CCDC91: variants seen among roughly 807,000 people sequenced by gnomAD.
CCDC91 encodes coiled-coil domain-containing protein 91.
CCDC91 carries 48 observed loss-of-function variants against 63.2 expected under a neutral mutation model. The ratio of observed to expected loss-of-function variants is 0.76; its 90% CI spans 0.60 to 0.97. The LOEUF (loss-of-function observed/expected upper bound fraction) is 0.97. CCDC91 is among the 50% of genes least tolerant of loss of function. The pLI, the probability that CCDC91 is intolerant of heterozygous loss-of-function variation, is 0.00. For missense variants in CCDC91, 500 were observed against 494.6 expected (o/e 1.01, Z -0.10); for synonymous variants, 167 against 165.8 (o/e 1.01, Z -0.06).
chr12:28,466,067 A>AG (rs1950535046), intron 11 of CCDC91, among the ~76,000 whole-genome samples: 1 of 140,952 alleles, frequency 7.1e-6, no homozygotes, highest in Non-Finnish European at 1.7e-5. Flanking sequence ...CAGAACTGAC[A>AG]AAGAAAAAAA....
intron 8 of CCDC91, among the ~76,000 whole-genome samples, chr12:28,393,245 G>C (rs567623953): frequency 1.3e-5 from 2 of 151,964 alleles, no homozygotes; most frequent in Non-Finnish European, 2.9e-5. Flanking sequence ...CCCAGGGGTC[G>C]TTTTAAGTAG....
chr12:28,322,455 T>C (rs1389760169), intron 6 of CCDC91, among the ~76,000 whole-genome samples: 1 of 151,880 alleles, frequency 6.6e-6, no homozygotes, highest in Non-Finnish European at 1.5e-5. Context: ...AAACCTTTCT[T>C]CCCTATCATT....
chr12:28,378,966 G>A (rs1945113693), intron 7 of CCDC91, among the ~76,000 whole-genome samples: 1 of 152,032 alleles, frequency 6.6e-6, no homozygotes, highest in Non-Finnish European at 1.5e-5. Flanking sequence ...GGTTTTTCAA[G>A]CCAGGCCAAA....
At position 28,438,985 on chromosome 12, in the gene CCDC91, A is replaced by G. The variant is rs537897709; in HGVS notation, c.763-11176A>G. On this transcript the variant is annotated intron_variant, in intron 8 of 12. Transcript: ENST00000536442. Reference sequence around the variant, plus strand: ...TTTGGCATTTAATAAAACATACACTATCCAAATATAGAGACATCATATGAA... The same window carrying G: ...TTTGGCATTTAATAAAACATACACTGTCCAAATATAGAGACATCATATGAA... 4.6e-5 allele frequency among the ~76,000 whole-genome samples: 7 copies of G among 152,268 alleles called. No individual in the cohort carries two copies. The South Asian group carries it at 1.2e-3, about 27-fold the overall frequency.
intron 3 of CCDC91, among the ~76,000 whole-genome samples, chr12:28,287,543 C>T (rs193158878): frequency 1.3e-5 from 2 of 152,182 alleles, no homozygotes; most frequent in East Asian, 3.9e-4. Context: ...GTTCTCGGGT[C>T]TCTCTCCTGT....
chr12:28,417,449 T>G (rs187680609), intron 8 of CCDC91, among the ~76,000 whole-genome samples: 2 of 152,166 alleles, frequency 1.3e-5, no homozygotes, highest in South Asian at 2.1e-4. Context: ...CTGTTTTAGG[T>G]CTCAATAGTT....
intron 12 of CCDC91, among the ~76,000 whole-genome samples, chr12:28,515,463 T>A (rs1939842249): frequency 6.6e-6 from 1 of 151,916 alleles, no homozygotes; most frequent in Non-Finnish European, 1.5e-5. Flanking sequence ...CCCTAATTGA[T>A]CTTATGCCCT....
intron 3 of CCDC91, among the ~76,000 whole-genome samples, chr12:28,273,908 C>T (rs764846926): frequency 6.6e-6 from 1 of 152,166 alleles, no homozygotes; most frequent in Non-Finnish European, 1.5e-5. Flanking sequence ...GACATGAAGT[C>T]CTTGCCCAGG....
At chr12:28,457,749 T>C (rs1395338464) in intron 11 of CCDC91, among the ~76,000 whole-genome samples, 1 of 151,968 alleles carries the variant, frequency 6.6e-6, no homozygotes, top group Non-Finnish European at 1.5e-5. Context: ...AATTGTACTT[T>C]TTTTCTGAGA....
intron 3 of CCDC91, among the ~76,000 whole-genome samples, chr12:28,281,296 A>G (rs1160262589): frequency 3.3e-5 from 5 of 152,276 alleles, no homozygotes; most frequent in South Asian, 4.1e-4. Context: ...GTTAGCTTAC[A>G]TGAGTGTGGA....
rs1221227817 is a variant in CCDC91 at position 28,335,309 on chromosome 12, ATAT to A, written c.577-27125_577-27123del. ...TTATATATAATATAATATATAATAC[ATAT>A]TATGTATAATATAATATATTATAAA... is the stretch of plus-strand genomic sequence containing the variant. On this transcript the variant is annotated intron_variant, in intron 6 of 12. Transcript: ENST00000536442. 5.8e-3 allele frequency among the ~76,000 whole-genome samples: 815 copies of A among 139,638 alleles called. 4 individuals are homozygous for A. Among genetic ancestry groups the A allele is most frequent in the Admixed American group, 9.2e-3 (121 of 13,132 alleles). 91.6% of individuals were successfully genotyped at this position (139,638 alleles called of 152,430 possible). A position where few individuals can be genotyped will look rare whatever the true frequency, so the allele number is the denominator to read the frequency against.
At chr12:28,330,172 A>T (rs1032431526) in intron 6 of CCDC91, among the ~76,000 whole-genome samples, 1 of 152,102 alleles carries the variant, frequency 6.6e-6, no homozygotes, top group Non-Finnish European at 1.5e-5. Flanking sequence ...CTAGTTCTAG[A>T]TCCTTAAGGA....
chr12:28,290,085 T>C (rs1949150095), intron 3 of CCDC91, among the ~76,000 whole-genome samples: 1 of 152,056 alleles, frequency 6.6e-6, no homozygotes, highest in South Asian at 2.1e-4. Context: ...TTTGCTTTGA[T>C]GCTCTATTTC....
At chr12:28,413,896 G>A (rs1423325699) in intron 8 of CCDC91, among the ~76,000 whole-genome samples, 3 of 152,316 alleles carry the variant, frequency 2.0e-5, no homozygotes, top group Middle Eastern at 3.4e-3. Flanking sequence ...GTGAGTGCAA[G>A]AAATATGTTT....
intron 6 of CCDC91, among the ~76,000 whole-genome samples, chr12:28,323,205 C>G (rs1940683513): frequency 1.3e-5 from 2 of 151,028 alleles, no homozygotes; most frequent in Non-Finnish European, 3.0e-5. Context: ...TAAGGTTAGT[C>G]TCTTATATAT....
intron 11 of CCDC91, among the ~76,000 whole-genome samples, chr12:28,471,308 T>G (rs1180280719): frequency 6.6e-6 from 1 of 152,196 alleles, no homozygotes; most frequent in Non-Finnish European, 1.5e-5. Context: ...TACCTATATA[T>G]GAACAAACTA....
intron 6 of CCDC91, among the ~76,000 whole-genome samples, chr12:28,358,074 G>T (rs1287753141): frequency 6.6e-6 from 1 of 152,106 alleles, no homozygotes; most frequent in Non-Finnish European, 1.5e-5. Flanking sequence ...AGGGTTAATT[G>T]ATCTGTTTGT....
chr12:28,376,364 C>T (rs561960854), intron 7 of CCDC91, among the ~76,000 whole-genome samples: 2 of 151,518 alleles, frequency 1.3e-5, no homozygotes, highest in African/African-American at 4.8e-5. Flanking sequence ...ATGAAACAAA[C>T]CCTAACAGAA....
At chr12:28,368,939 G>A (rs755417725) in intron 7 of CCDC91, among the ~76,000 whole-genome samples, 21 of 151,992 alleles carry the variant, frequency 1.4e-4, no homozygotes, top group Admixed American at 9.2e-4. Context: ...ATCTGCCCCC[G>A]TGATCCAGTC....
Sources: gnomAD v4.1 joint callset for allele counts (sites outside exome capture counted in the v4.1 genomes callset) on GRCh38, gnomAD v4.1.1 for gene constraint, MANE v1.5 for transcripts, NCBI Gene and HGNC (gene_info 2026-07-23, HGNC 2026-07-21) for gene names.